SLC30A8: variants seen among roughly 807,000 people sequenced by gnomAD.
SLC30A8 encodes solute carrier family 30 member 8, also known as proton-coupled zinc antiporter SLC30A8.
A neutral mutation model predicts 36.9 loss-of-function variants in SLC30A8; 27 were observed. That is an observed-to-expected ratio of 0.73 (90% CI 0.54 to 1.01). The LOEUF (loss-of-function observed/expected upper bound fraction) is 1.01, where lower values mean the gene tolerates loss of function less well. SLC30A8 is among the 50% of genes least tolerant of loss of function. The probability of loss-of-function intolerance (pLI) is 0.00; values close to 1 mark genes in which losing one functional copy is unlikely to be tolerated. For missense variants in SLC30A8, 439 were observed against 452.0 expected (o/e 0.97, Z 0.26); for synonymous variants, 164 against 172.4 (o/e 0.95, Z 0.38).
intron 1 of SLC30A8, among the ~76,000 whole-genome samples, chr8:117,006,160 G>A (rs964627811): frequency 4.6e-5 from 7 of 152,204 alleles, no homozygotes; most frequent in African/African-American, 1.4e-4. Context: ...AACTCTAAGC[G>A]AATAGGATAG....
chr8:117,166,766 ATTT>A (rs71305462), intron 6 of SLC30A8, among the ~76,000 whole-genome samples: 3 of 128,668 alleles, frequency 2.3e-5, no homozygotes, highest in Non-Finnish European at 3.2e-5. Flanking sequence ...ACATTAGCTG[ATTT>A]TTTTTTTTTT....
chr8:116,991,635 A>G (rs980651788), intron 1 of SLC30A8, among the ~76,000 whole-genome samples: 13 of 152,148 alleles, frequency 8.5e-5, no homozygotes, highest in African/African-American at 2.4e-4. Context: ...CAAAACTTAG[A>G]TATCTTTTTT....
At chr8:117,010,302 G>A (rs1157951340) in intron 1 of SLC30A8, among the ~76,000 whole-genome samples, 1 of 152,176 alleles carries the variant, frequency 6.6e-6, no homozygotes, top group Non-Finnish European at 1.5e-5. Context: ...TCCAGGAAAG[G>A]TCAGTTGTGA....
intron 2 of SLC30A8, among the ~76,000 whole-genome samples, chr8:117,080,377 G>A (rs911167888): frequency 3.3e-5 from 5 of 151,830 alleles, no homozygotes; most frequent in Admixed American, 1.3e-4. Flanking sequence ...TATCCCCTGT[G>A]TAACAAACAC....
chr8:117,010,084 G>A (rs1816298064), intron 1 of SLC30A8, among the ~76,000 whole-genome samples: 1 of 152,098 alleles, frequency 6.6e-6, no homozygotes, highest in Admixed American at 6.5e-5. Context: ...GGTAAGCCTA[G>A]GGACAGCACA....
chr8:117,021,341 A>C (rs918953779), intron 1 of SLC30A8, among the ~76,000 whole-genome samples: 3 of 152,158 alleles, frequency 2.0e-5, no homozygotes, highest in African/African-American at 7.2e-5. Context: ...AGGTCACCTC[A>C]ATTTCTTTTT....
chr8:117,012,214 T>C (rs1370678515), intron 1 of SLC30A8, among the ~76,000 whole-genome samples: 1 of 152,194 alleles, frequency 6.6e-6, no homozygotes, highest in Non-Finnish European at 1.5e-5. Context: ...TAAAGATAGG[T>C]AAACAATACA....
At chr8:116,955,117 C>A (rs1814143400) in intron 1 of SLC30A8, among the ~76,000 whole-genome samples, 1 of 152,156 alleles carries the variant, frequency 6.6e-6, no homozygotes, top group African/African-American at 2.4e-5. Flanking sequence ...GATCTGAGAT[C>A]TGAGGAAAGT....
intron 2 of SLC30A8, among the ~76,000 whole-genome samples, chr8:117,128,846 CT>C (rs936886537): frequency 2.6e-5 from 4 of 151,934 alleles, no homozygotes; most frequent in African/African-American, 9.7e-5. Flanking sequence ...GTATCATTCA[CT>C]TTTTTTCTGG....
At chr8:117,043,746 C>CA (rs1390950361) in intron 2 of SLC30A8, among the ~76,000 whole-genome samples, 1 of 152,196 alleles carries the variant, frequency 6.6e-6, no homozygotes, top group Non-Finnish European at 1.5e-5. Context: ...TGCCTTGCCC[C>CA]ACCACCACCC....
chr8:116,988,355 C>T (rs544246919), intron 1 of SLC30A8, among the ~76,000 whole-genome samples: 2 of 152,310 alleles, frequency 1.3e-5, no homozygotes, highest in South Asian at 4.1e-4. Context: ...GAAGCTCAGG[C>T]CTTCTTCTTT....
chr8:117,024,555 G>A (rs141296313), intron 1 of SLC30A8, among the ~76,000 whole-genome samples: 476 of 152,274 alleles, frequency 3.1e-3, no homozygotes, highest in African/African-American at 7.9e-3. Flanking sequence ...TTACCCCTCT[G>A]CTAGACTGTA....
At chr8:117,170,946 T>C (rs1823346253) in intron 6 of SLC30A8, 88 bp from the exon 7 acceptor site, 2 of 1,169,726 alleles carry the variant, frequency 1.7e-6, no homozygotes, top group Non-Finnish European at 2.4e-6. Context: ...CATTGAAATT[T>C]TGGTGAGGAC....
chr8:117,062,142 C>T (rs1244478360), intron 2 of SLC30A8, among the ~76,000 whole-genome samples: 2 of 152,108 alleles, frequency 1.3e-5, no homozygotes, highest in East Asian at 3.9e-4. Context: ...TGAGACTAAG[C>T]CACTGGGTCT....
chr8:117,157,841 T>G lies in SLC30A8; in HGVS notation c.569T>G (p.Ile190Ser), dbSNP rs185043998. 5 of 1,613,864 alleles carry G rather than the reference T, an allele frequency of 3.1e-6. No homozygotes were observed. The highest frequency in any genetic ancestry group is 1.3e-5 in the African/African-American group (1 of 74,904). Residue 190 changes from isoleucine (I) to serine (S), a missense_variant, in exon 4 of 8, where the codon ATT becomes AGT. By Grantham distance (142) the Ile-to-Ser change is moderately radical. Coordinates refer to ENST00000456015, the MANE Select transcript of SLC30A8 (RefSeq NM_173851.3). Reference protein sequence around the residue: ...IVSSCAVAANIVLTVVLHQRC... With the variant: ...IVSSCAVAANSVLTVVLHQRC... ...TCCAGCTGCGCAGTGGCGGCCAACA[T>G]TGTGTAAGTCATCCCCTGGTCCCCA...
intron 1 of SLC30A8, among the ~76,000 whole-genome samples, chr8:117,010,850 T>G (rs1816319993): frequency 6.6e-6 from 1 of 152,122 alleles, no homozygotes. Flanking sequence ...CTGTACACTT[T>G]TAAACAACCA....
At chr8:117,031,501 C>G (rs961356068) in intron 1 of SLC30A8, among the ~76,000 whole-genome samples, 2 of 151,444 alleles carry the variant, frequency 1.3e-5, no homozygotes, top group African/African-American at 4.9e-5. Context: ...CTCTTGTTGC[C>G]CAGGCTGGAG....
intron 1 of SLC30A8, among the ~76,000 whole-genome samples, chr8:116,968,601 G>T: frequency 6.6e-6 from 1 of 151,456 alleles, no homozygotes; most frequent in East Asian, 1.9e-4. Flanking sequence ...TAGAGGGAAA[G>T]GAAGTATAGA....
At chr8:117,044,546 T>C (rs1329059815) in intron 2 of SLC30A8, among the ~76,000 whole-genome samples, 4 of 152,196 alleles carry the variant, frequency 2.6e-5, no homozygotes, top group Admixed American at 2.6e-4. Context: ...GTCGACTGCT[T>C]CCCTAAGGCG....
Sources: allele counts gnomAD v4.1 joint callset (sites outside exome capture counted in the v4.1 genomes callset), GRCh38; gene constraint gnomAD v4.1.1; transcripts MANE v1.5; gene names NCBI Gene and HGNC (gene_info 2026-07-23, HGNC 2026-07-21).